ELF2: variants seen among roughly 807,000 people sequenced by gnomAD.
ELF2 encodes the protein E74 like ETS transcription factor 2, also known as ETS-related transcription factor Elf-2.
A neutral mutation model predicts 54.8 loss-of-function variants in ELF2; 11 were observed. The ratio of observed to expected loss-of-function variants is 0.20; its 90% CI spans 0.13 to 0.33. The LOEUF is 0.33. ELF2 is among the 10% of genes least tolerant of loss of function. The pLI is 1.00. For missense variants in ELF2, 513 were observed against 703.0 expected, an observed-to-expected ratio of 0.73 and a Z score of 3.06; for synonymous variants, 203 against 245.1, an observed-to-expected ratio of 0.83 and a Z score of 1.61.
At chr4:139,142,697 G>A (rs769585145) in intron 1 of ELF2, among the ~76,000 whole-genome samples, 1 of 151,520 alleles carries the variant, frequency 6.6e-6, no homozygotes, top group Non-Finnish European at 1.5e-5. Context: ...AAGTGATACA[G>A]GCTGGGACCA....
intron 4 of ELF2, chr4:139,116,649 C>T: frequency 1.0e-6 from 1 of 984,582 alleles, no homozygotes; most frequent in Non-Finnish European, 1.2e-6. Context: ...ACCAACCTAC[C>T]AGCATTGTCT....
At position 139,065,795 on chromosome 4, in the gene ELF2, GAATT is replaced by G. The variant is rs201364661; in HGVS notation, c.613+1885_613+1888del. Among the ~76,000 whole-genome samples, 932 of 152,134 alleles carry G rather than the reference GAATT, an allele frequency of 6.1e-3. 15 individuals carry two copies. Among genetic ancestry groups the G allele is most frequent in the Middle Eastern group, 6.8e-3 (2 of 294 alleles). ...GTATAAGTGATACCACTGAGGATAA[GAATT>G]ATTTAAAAAGACAACAGTAATAACT... On this transcript the variant is annotated intron_variant, in intron 7 of 9. Coordinates refer to ENST00000686138, the MANE Select transcript of ELF2 (RefSeq NM_001331036.3).
chr4:139,060,485 T>A lies in ELF2; in HGVS notation c.996A>T (p.Lys332Asn). The A allele has an allele frequency of 6.2e-7, 1 of 1,614,208 alleles. No individual in the cohort carries two copies. Among genetic ancestry groups the A allele is most frequent in the Non-Finnish European group, 8.5e-7 (1 of 1,180,038 alleles). Residue 332 changes from lysine (K) to asparagine (N), a missense_variant, in exon 9 of 10, where the codon AAA becomes AAT. Physicochemically the swap from Lys to Asn is moderately conservative, Grantham distance 94. This residue lies in a region of ELF2 where 291 missense variants were observed against 366.1 expected (regional missense o/e 0.79). Transcript: ENST00000686138. ...RVSLSAESLL[K>N]AASSVRSGKN... ...TTCCACTGCGAACAGAGGATGCTGC[T>A]TTCAGGAGACTTTCTGCAGACAGTG...
chr4:139,081,530 T>C (rs1364755489), intron 4 of ELF2, among the ~76,000 whole-genome samples: 2 of 152,308 alleles, frequency 1.3e-5, no homozygotes, highest in East Asian at 3.9e-4. Flanking sequence ...AACTATTTTT[T>C]ACATTTATAC....
upstream of ELF2, among the ~76,000 whole-genome samples, chr4:139,177,491 C>T (rs1743096172): frequency 1.3e-5 from 2 of 151,594 alleles, no homozygotes; most frequent in Non-Finnish European, 2.9e-5. Context: ...GCTTCTTTTG[C>T]TGTCTTGAAT....
intron 4 of ELF2, among the ~76,000 whole-genome samples, chr4:139,083,158 C>T (rs906385940): frequency 6.8e-6 from 1 of 148,040 alleles, no homozygotes; most frequent in East Asian, 2.0e-4. Flanking sequence ...CTTTCCGAGG[C>T]GCTTCCGCTG....
At chr4:139,175,476 G>A (rs1446297946) in intron 1 of ELF2, among the ~76,000 whole-genome samples, 1 of 152,092 alleles carries the variant, frequency 6.6e-6, no homozygotes, top group Non-Finnish European at 1.5e-5. Flanking sequence ...TCTGTAAACT[G>A]TAATGCTCTA....
intron 3 of ELF2, among the ~76,000 whole-genome samples, chr4:139,127,020 G>C (rs890382153): frequency 5.9e-5 from 9 of 152,168 alleles, no homozygotes; most frequent in African/African-American, 1.9e-4. Context: ...ATAGCATGAT[G>C]AACTGTCATT....
intron 4 of ELF2, among the ~76,000 whole-genome samples, chr4:139,106,261 A>T (rs1324695046): frequency 6.6e-6 from 1 of 152,224 alleles, no homozygotes; most frequent in East Asian, 1.9e-4. Context: ...AAAAAAGAAT[A>T]CAGCAGGGAT....
intron 1 of ELF2, 113 bp downstream of exon 1, chr4:139,176,854 A>C (rs1412582094): frequency 1.3e-5 from 2 of 151,944 alleles, no homozygotes; most frequent in Admixed American, 6.6e-5. Context: ...GAAGCAAACA[A>C]CACAAGCGCG....
chr4:139,139,375 C>T, intron 2 of ELF2, 38 bp downstream of exon 2: 1 of 1,067,554 alleles, frequency 9.4e-7, no homozygotes, highest in Non-Finnish European at 1.2e-6. Context: ...GTACTATTCC[C>T]AATATATATA....
chr4:139,096,771 A>T (rs1329979551), intron 4 of ELF2, among the ~76,000 whole-genome samples: 1 of 152,016 alleles, frequency 6.6e-6, no homozygotes, highest in Admixed American at 6.5e-5. Context: ...TGCTTGGCCT[A>T]AACTATAAAA....
At chr4:139,125,372 A>G in intron 3 of ELF2, 43 bp from the exon 4 acceptor site, 1 of 1,591,972 alleles carries the variant, frequency 6.3e-7, no homozygotes, top group Non-Finnish European at 8.5e-7. Flanking sequence ...TTGTATTTAC[A>G]AATTCTGAAT....
chr4:139,104,508 C>CAAAAAAAAAAAAA (rs34642901), intron 4 of ELF2, among the ~76,000 whole-genome samples: 2 of 76,906 alleles, frequency 2.6e-5, no homozygotes, highest in Non-Finnish European at 5.1e-5. Flanking sequence ...GACTCTGTCT[C>CAAAAAAAAAAAAA]AAAAAAAAAA....
intron 4 of ELF2, among the ~76,000 whole-genome samples, chr4:139,092,441 C>CATAACATAACATAACATAACATAAT (rs1732762117): frequency 6.7e-6 from 1 of 150,366 alleles, no homozygotes; most frequent in Non-Finnish European, 1.5e-5. Flanking sequence ...CATAACATAA[C>CATAACATAACATAACATAACATAAT]ATAACATAAC....
At position 139,157,627 on chromosome 4, in the gene ELF2, C is replaced by T. The variant is rs117341326; in HGVS notation, c.-251-18130G>A. ...ATTTGTTGCCCAGGCAGGTCTGAAA[C>T]TCCTGGCTTCAAGCAATCCTCCCAT... On this transcript the variant is annotated intron_variant, in intron 1 of 9. Transcript: ENST00000686138. 2.4e-4 allele frequency among the ~76,000 whole-genome samples: 36 copies of T among 152,248 alleles called. 1 individual carries two copies. The East Asian group carries it at 6.9e-3, about 29-fold the overall frequency.
At chr4:139,069,503 C>G (rs1197458155) in intron 6 of ELF2, among the ~76,000 whole-genome samples, 1 of 152,108 alleles carries the variant, frequency 6.6e-6, no homozygotes, top group East Asian at 1.9e-4. Context: ...CACAAAAGCC[C>G]AACTTAGTAG....
At chr4:139,159,755 A>G (rs1239111969) in intron 1 of ELF2, among the ~76,000 whole-genome samples, 3 of 152,176 alleles carry the variant, frequency 2.0e-5, no homozygotes, top group Non-Finnish European at 2.9e-5. Context: ...TGGCCTTTGC[A>G]GTGAATGACT....
intron 1 of ELF2, among the ~76,000 whole-genome samples, chr4:139,148,441 T>C (rs529386066): frequency 5.4e-4 from 80 of 147,772 alleles, no homozygotes; most frequent in African/African-American, 1.8e-3. Context: ...CCTCCCAAAG[T>C]GCTGTGATTG....
Sources: gnomAD v4.1 joint callset for allele counts (sites outside exome capture counted in the v4.1 genomes callset) on GRCh38, gnomAD v4.1.1 for gene constraint, gnomAD v4.1.1 regional missense constraint, MANE v1.5 for transcripts, NCBI Gene and HGNC (gene_info 2026-07-23, HGNC 2026-07-21) for gene names.